Variants in HPCAL4 observed in about 807,000 individuals in gnomAD.
HPCAL4 encodes the protein hippocalcin like 4.
In HPCAL4, 16 loss-of-function variants were observed where a neutral mutation model predicts 18.2. The ratio of observed to expected loss-of-function variants is 0.88; its 90% confidence interval spans 0.59 to 1.33. HPCAL4 has a LOEUF of 1.33. Among genes scored for constraint, HPCAL4 ranks in the 40% most tolerant of loss-of-function variants. The pLI, the probability that HPCAL4 is intolerant of heterozygous loss-of-function variation, is 0.00. For synonymous variants in HPCAL4, 80 were observed against 97.5 expected (o/e 0.82, Z 1.06); for missense variants, 214 against 256.6 (o/e 0.83, Z 1.14).
rs921012818 is a variant in HPCAL4, at chr1:39,684,674, C to T, written c.-8-63G>A. 13 of 1,391,798 alleles carry T rather than the reference C, an allele frequency of 9.3e-6. No individual in the cohort carries two copies. The Admixed American group carries it at 2.0e-4, about 22-fold the overall frequency. 86.2% of individuals were successfully genotyped at this position (1,391,798 alleles called of 1,614,324 possible). On this transcript the variant is annotated intron_variant, in intron 1 of 3. Transcript: ENST00000372844. ...AAAGGCCCTGCCTCAGCCACAGCTG[C>T]CCCCTCCCCTGCCACACACAGGGCG...
At chr1:39,689,017 C>A (rs1381346961) in intron 1 of HPCAL4, among the ~76,000 whole-genome samples, 3 of 152,162 alleles carry the variant, frequency 2.0e-5, no homozygotes, top group African/African-American at 7.2e-5. Context: ...TGAGACAGGT[C>A]TTTGCATTAA....
At chr1:39,684,299 G>GCCA (rs1557753907) in intron 2 of HPCAL4, 143 bp downstream of exon 2, 255 of 930,092 alleles carry the variant, frequency 2.7e-4, no homozygotes, top group Middle Eastern at 3.6e-4. Flanking sequence ...CACCTCCCCC[G>GCCA]CACCCCGGGT....
intron 1 of HPCAL4, among the ~76,000 whole-genome samples, chr1:39,685,636 T>C (rs1376170514): frequency 6.6e-6 from 1 of 152,056 alleles, no homozygotes; most frequent in East Asian, 1.9e-4. Flanking sequence ...TCCCAGCACT[T>C]TGGGAGGCCA....
intron 1 of HPCAL4, among the ~76,000 whole-genome samples, chr1:39,687,055 C>T (rs1184359219): frequency 6.6e-6 from 1 of 152,220 alleles, no homozygotes; most frequent in African/African-American, 2.4e-5. Context: ...GCTGGGCTGA[C>T]CTCAGGCTAG....
chr1:39,685,586 T>G (rs1646665962), intron 1 of HPCAL4, among the ~76,000 whole-genome samples: 3 of 152,202 alleles, frequency 2.0e-5, no homozygotes, highest in South Asian at 4.1e-4. Flanking sequence ...ATTTAAAAAT[T>G]TGGCTGGGCG....
rs527531056 is a variant in HPCAL4 at position 39,682,332 on chromosome 1, G to A, written c.*204C>T. The A allele has an allele frequency of 5.1e-6, 3 of 586,284 alleles. No individual in the cohort carries two copies. The African/African-American group carries it at 5.6e-5, about 11-fold the overall frequency. The allele number at this position is 586,284 out of a possible 1,614,324, so 36.3% of individuals were successfully genotyped here. On this transcript the variant is annotated 3_prime_UTR_variant, in exon 4 of 4. Coordinates refer to ENST00000372844, the MANE Select transcript of HPCAL4 (RefSeq NM_016257.4). ...AGTGGGAGGTGGGGCTAGAAGACAG[G>A]GTACTGGAGGACCTGTCTCTTTTGC... is the stretch of plus-strand genomic sequence containing the variant.
chr1:39,684,090 G>C lies in HPCAL4; in HGVS notation c.225C>G (p.Asn75Lys), dbSNP rs201611889. 6.8e-6 allele frequency: 11 copies of C among 1,613,940 alleles called. No individual in the cohort carries two copies. Among genetic ancestry groups the C allele is most frequent in the African/African-American group, 2.7e-5 (2 of 75,034 alleles). ...AQHAFRTFDK[N>K]GDGTIDFREF... ...CCCGGAAGTCGATGGTGCCGTCGCC[G>C]TTCTTGTCGAAGGTGCGGAAAGCGT... Residue 75 changes from asparagine to lysine, a missense_variant, in exon 3 of 4, where the codon AAC (asparagine) becomes AAG (lysine). By Grantham distance (94) the Asn-to-Lys change is moderately conservative. Transcript: ENST00000372844.
chr1:39,683,877 C>T (rs980482594), intron 3 of HPCAL4, 60 bp downstream of exon 3: 60 of 1,475,704 alleles, frequency 4.1e-5, no homozygotes, highest in Non-Finnish European at 4.9e-5. Context: ...AGCGCGGAGG[C>T]AGGGGCGGGG....
chr1:39,688,037 T>G (rs552337277), intron 1 of HPCAL4, among the ~76,000 whole-genome samples: 1 of 152,240 alleles, frequency 6.6e-6, no homozygotes, highest in Admixed American at 6.5e-5. Flanking sequence ...ACACAGCAGG[T>G]CAGTGGGAGG....
At chr1:39,683,764 C>A (rs1646646817) in intron 3 of HPCAL4, among the ~76,000 whole-genome samples, 173 bp downstream of exon 3, 1 of 152,198 alleles carries the variant, frequency 6.6e-6, no homozygotes, top group Non-Finnish European at 1.5e-5. Flanking sequence ...CCCCTCCGCC[C>A]CGTCGAGTGT....
At chr1:39,690,798 GACA>G (rs954926358) in intron 1 of HPCAL4, among the ~76,000 whole-genome samples, 1 of 151,982 alleles carries the variant, frequency 6.6e-6, no homozygotes, top group African/African-American at 2.4e-5. Flanking sequence ...AGTGTCTGGG[GACA>G]ACAAGGAGGG....
At chr1:39,687,793 G>A (rs2124197631) in intron 1 of HPCAL4, among the ~76,000 whole-genome samples, 1 of 152,164 alleles carries the variant, frequency 6.6e-6, no homozygotes, top group Admixed American at 6.5e-5. Flanking sequence ...AGTCCCAGCT[G>A]CTCAGAAGCT....
intron 1 of HPCAL4, among the ~76,000 whole-genome samples, chr1:39,686,605 A>T (rs1041659981): frequency 6.6e-6 from 1 of 152,164 alleles, no homozygotes; most frequent in Admixed American, 6.5e-5. Context: ...GCCTCAGTGG[A>T]TAGAAGTGTT....
At chr1:39,690,279 T>G (rs576793671) in intron 1 of HPCAL4, among the ~76,000 whole-genome samples, 3 of 152,182 alleles carry the variant, frequency 2.0e-5, no homozygotes, top group Admixed American at 6.5e-5. Context: ...CTGTTATACC[T>G]CTCCCCATTT....
At chr1:39,683,046 G>A (rs989477369) in intron 3 of HPCAL4, among the ~76,000 whole-genome samples, 1 of 152,010 alleles carries the variant, frequency 6.6e-6, no homozygotes. Flanking sequence ...AACACGTCCC[G>A]CTAATTTTTG....
Position 39,683,796 on chromosome 1 carries a change from GC to G in HPCAL4, c.378+140del, listed in dbSNP as rs1291889913. The G allele has an allele frequency of 2.8e-5, 20 of 726,258 alleles. No homozygotes were observed. The African/African-American group carries it at 3.5e-4, about 13-fold the overall frequency. 45.0% of individuals were successfully genotyped at this position (726,258 alleles called of 1,614,324 possible). A position where few individuals can be genotyped will look rare whatever the true frequency, so the allele number is the denominator to read the frequency against. ...GTGTCGGGTAAAGCATTTAGCCCGGGCCTGTAGCGGGGTGGTAGGAGGCGGG... is the reference window on the plus strand; with the variant it reads ...GTGTCGGGTAAAGCATTTAGCCCGGGCTGTAGCGGGGTGGTAGGAGGCGGG... On this transcript the variant is annotated intron_variant, in intron 3 of 3. Transcript: ENST00000372844.
In HPCAL4 at chr1:39,684,447, T is replaced by C. The variant is rs779421014; in HGVS notation, c.157A>G (p.Ile53Val). The C allele has an allele frequency of 1.2e-5, 20 of 1,602,576 alleles. No individual in the cohort carries two copies. Among genetic ancestry groups the C allele is most frequent in the Non-Finnish European group, 1.7e-5 (20 of 1,174,780 alleles). Residue 53 changes from isoleucine (I) to valine (V), a missense_variant, in exon 2 of 4, where the codon ATC (isoleucine) becomes GTC (valine). Ile to Val is a conservative substitution (Grantham distance 29). Transcript: ENST00000372844. ...ACCAGGTGCCGGCCGCCCACCTTGA[T>C]GTAGAGCTGCTGAAACTCCTCCAGG... ...LNLEEFQQLY[I>V]KFFPYGDASK...
At chr1:39,688,949 A>C (rs932985660) in intron 1 of HPCAL4, among the ~76,000 whole-genome samples, 2 of 152,088 alleles carry the variant, frequency 1.3e-5, no homozygotes, top group Admixed American at 1.3e-4. Context: ...AGGCGTGTAG[A>C]CTTCATAGCC....
chr1:39,685,934 C>T (rs939843217), intron 1 of HPCAL4, among the ~76,000 whole-genome samples: 3 of 150,320 alleles, frequency 2.0e-5, no homozygotes, highest in Non-Finnish European at 4.4e-5. Flanking sequence ...GTAATCCCAG[C>T]ACTTTGAGAG....
Sources: gnomAD v4.1 joint callset for allele counts (sites outside exome capture counted in the v4.1 genomes callset) on GRCh38, gnomAD v4.1.1 for gene constraint, MANE v1.5 for transcripts, NCBI Gene and HGNC (gene_info 2026-07-23, HGNC 2026-07-21) for gene names.